The following MDFIC2 variants were observed in gnomAD, a reference collection of about 807,000 sequenced individuals.
MDFIC2 encodes the protein MyoD family inhibitor domain containing 2, also known as myoD family inhibitor domain-containing protein 2.
At chr3:70,244,026 C>A (rs1395444296) in intron 2 of MDFIC2, among the ~76,000 whole-genome samples, 3 of 152,184 alleles carry the variant, frequency 2.0e-5, no homozygotes, top group African/African-American at 7.2e-5. Context: ...CAACTTGACT[C>A]ACATATGGAA....
rs1288579687 is a variant in MDFIC2 at position 70,290,344 on chromosome 3, T to C, written c.88+21542A>G. On this transcript the variant is annotated intron_variant, in intron 2 of 3. Transcript: ENST00000567252. ...GTGTAAGGTGTCAGTGTGCCCCTGT[T>C]GGGGGGTGCCTCCCAGTTAGGCTGC... 2.0e-5 allele frequency among the ~76,000 whole-genome samples: 3 copies of C among 152,136 alleles called. No individual in the cohort carries two copies. The East Asian group carries it at 5.8e-4, about 29-fold the overall frequency.
intron 2 of MDFIC2, among the ~76,000 whole-genome samples, chr3:70,268,755 A>G (rs9832371): frequency 0.012 from 1,765 of 152,304 alleles, 36 homozygotes; most frequent in African/African-American, 0.039. Context: ...AAATACTTCA[A>G]TGAAGTATCT....
intron 2 of MDFIC2, among the ~76,000 whole-genome samples, chr3:70,206,991 G>T (rs1463724705): frequency 6.7e-6 from 1 of 150,320 alleles, no homozygotes; most frequent in Non-Finnish European, 1.5e-5. Context: ...TATACACATT[G>T]CAAACTTTAC....
At chr3:70,276,681 C>T (rs910347481) in intron 2 of MDFIC2, among the ~76,000 whole-genome samples, 2 of 152,190 alleles carry the variant, frequency 1.3e-5, no homozygotes, top group African/African-American at 4.8e-5. Flanking sequence ...TGGCCTACTG[C>T]ATTTTTTTGT....
At chr3:70,249,582 A>G (rs1423519818) in intron 2 of MDFIC2, 1 of 152,018 alleles carries the variant, frequency 6.6e-6, no homozygotes, top group Non-Finnish European at 1.5e-5. Context: ...TTCTTAAAAT[A>G]TATCATTGCA....
intron 2 of MDFIC2, chr3:70,302,532 A>T (rs568322365): frequency 6.6e-6 from 1 of 152,294 alleles, no homozygotes; most frequent in South Asian, 2.1e-4. Flanking sequence ...CTTGTAGGAA[A>T]ATGAATGATT....
chr3:70,288,069 T>C (rs59094956), intron 2 of MDFIC2, among the ~76,000 whole-genome samples: 30,675 of 148,930 alleles, frequency 0.21, 3,307 homozygotes, highest in South Asian at 0.27. Context: ...TCAGTTCTGC[T>C]CTGATTTTAG....
intron 2 of MDFIC2, among the ~76,000 whole-genome samples, chr3:70,208,523 T>C (rs1300645661): frequency 6.6e-6 from 1 of 152,080 alleles, no homozygotes; most frequent in East Asian, 1.9e-4. Context: ...AAAGCTCTGG[T>C]ATTCCCCTAT....
intron 2 of MDFIC2, among the ~76,000 whole-genome samples, chr3:70,296,400 G>GT (rs1702289041): frequency 1.3e-5 from 2 of 151,878 alleles, no homozygotes; most frequent in Admixed American, 1.3e-4. Flanking sequence ...CCAGAAAATG[G>GT]ACCTAATTTT....
intron 2 of MDFIC2, among the ~76,000 whole-genome samples, chr3:70,264,775 G>A (rs1441279385): frequency 6.6e-6 from 1 of 152,204 alleles, no homozygotes; most frequent in Non-Finnish European, 1.5e-5. Context: ...TCATGATAGG[G>A]AAAATACAGG....
At chr3:70,288,707 G>A (rs1478010455) in intron 2 of MDFIC2, among the ~76,000 whole-genome samples, 1 of 151,800 alleles carries the variant, frequency 6.6e-6, no homozygotes, top group Non-Finnish European at 1.5e-5. Context: ...TCTCTTTGTA[G>A]GTCACTCAGG....
At chr3:70,238,125 C>G (rs924922485) in intron 2 of MDFIC2, among the ~76,000 whole-genome samples, 3 of 151,292 alleles carry the variant, frequency 2.0e-5, no homozygotes, top group African/African-American at 7.3e-5. Context: ...CATATGATAG[C>G]CAGAGTCCTC....
rs1188327432 is a variant in MDFIC2 at position 70,206,652 on chromosome 3, G to C, written c.227C>G (p.Thr76Arg). The C allele has an allele frequency of 2.5e-6, 1 of 397,796 alleles. No individual in the cohort carries two copies. The highest frequency in any genetic ancestry group is 4.4e-6 in the Non-Finnish European group (1 of 225,628). The allele number at this position is 397,796 out of a possible 1,614,324, so 24.6% of individuals were successfully genotyped here. ...PNEKKLSESS[T>R]SLSSLEECQT... Reference sequence around the variant, plus strand: ...GCATTCTTCAAGGGAGGACAGTGATGTGCTGGATTCTGACAGTTTTTTCTC... The same window carrying C: ...GCATTCTTCAAGGGAGGACAGTGATCTGCTGGATTCTGACAGTTTTTTCTC... The change falls in exon 3 of 4, where the codon ACA (threonine) becomes AGA (arginine). Residue 76 changes from threonine (T) to arginine (R), a missense_variant. By Grantham distance (71) the Thr-to-Arg change is moderately conservative. Coordinates refer to ENST00000567252, the MANE Select transcript of MDFIC2 (RefSeq NM_001364677.1).
intron 2 of MDFIC2, among the ~76,000 whole-genome samples, chr3:70,306,990 T>TAG (rs1424655977): frequency 2.6e-5 from 4 of 152,058 alleles, no homozygotes; most frequent in South Asian, 2.1e-4. Context: ...TATTTATATA[T>TAG]ATAGAGAGAG....
intron 3 of MDFIC2, chr3:70,205,760 T>G (rs746189694): frequency 6.6e-6 from 1 of 152,114 alleles, no homozygotes; most frequent in Non-Finnish European, 1.5e-5. Flanking sequence ...AAAGTAAATA[T>G]GTATTTAAAT....
rs1232794715 is a variant in MDFIC2, at chr3:70,196,473, A to G, written c.*453T>C. Among the ~76,000 whole-genome samples, 1 of 152,214 alleles carries G rather than the reference A, an allele frequency of 6.6e-6. No individual in the cohort carries two copies. The highest frequency in any genetic ancestry group is 2.4e-5 in the African/African-American group (1 of 41,454). ...TGATGTTATACAATACATTATTAAT[A>G]ATAACCAACAATGCATAATGTTTAT... On this transcript the variant is annotated 3_prime_UTR_variant, in exon 4 of 4. Coordinates refer to ENST00000567252, the MANE Select transcript of MDFIC2 (RefSeq NM_001364677.1).
intron 2 of MDFIC2, chr3:70,283,629 G>C (rs13317022): frequency 6.6e-6 from 1 of 151,882 alleles, no homozygotes; most frequent in Non-Finnish European, 1.5e-5. Flanking sequence ...GCAGATTAAA[G>C]GGATTCATGC....
At chr3:70,290,568 T>C (rs908352277) in intron 2 of MDFIC2, among the ~76,000 whole-genome samples, 7 of 152,232 alleles carry the variant, frequency 4.6e-5, no homozygotes, top group Non-Finnish European at 8.8e-5. Flanking sequence ...CAGGCCTCCT[T>C]GAGCTGTGGT....
At chr3:70,267,581 T>TG (rs1374663277) in intron 2 of MDFIC2, among the ~76,000 whole-genome samples, 3 of 146,494 alleles carry the variant, frequency 2.0e-5, no homozygotes, top group African/African-American at 5.0e-5. Flanking sequence ...TTTTTGTATT[T>TG]TTTTTTTTTT....
Sources: gnomAD v4.1 joint callset for allele counts (sites outside exome capture counted in the v4.1 genomes callset) on GRCh38, gnomAD v4.1.1 for gene constraint, MANE v1.5 for transcripts, NCBI Gene and HGNC (gene_info 2026-07-23, HGNC 2026-07-21) for gene names.